The following CTBP2 variants were observed in gnomAD, a reference collection of about 807,000 sequenced individuals.
CTBP2 encodes C-terminal binding protein 2.
In CTBP2, 30 loss-of-function variants were observed where a neutral mutation model predicts 80.3. The ratio of observed to expected loss-of-function variants is 0.37; its 90% CI spans 0.28 to 0.51. The LOEUF is 0.51. CTBP2 is among the 20% of genes least tolerant of loss of function. The pLI is 0.93. For missense variants in CTBP2, 1,212 were observed against 1,375.3 expected (o/e 0.88, Z 1.88); for synonymous variants, 594 against 587.4 (o/e 1.01, Z -0.16).
intron 2 of CTBP2, among the ~76,000 whole-genome samples, chr10:125,060,766 A>G (rs1355710558): frequency 6.6e-6 from 1 of 152,210 alleles, no homozygotes; most frequent in Non-Finnish European, 1.5e-5. Context: ...CAGTCGAGGA[A>G]TAAGAAGCAC....
intron 1 of CTBP2, among the ~76,000 whole-genome samples, chr10:125,132,396 T>A (rs1856328729): frequency 6.6e-6 from 1 of 152,200 alleles, no homozygotes; most frequent in Non-Finnish European, 1.5e-5. Context: ...ATACAGTGTC[T>A]TCAATGAAGT....
intron 2 of CTBP2, among the ~76,000 whole-genome samples, chr10:125,056,219 T>C (rs980256875): frequency 4.6e-5 from 7 of 151,408 alleles, no homozygotes; most frequent in Non-Finnish European, 8.8e-5. Flanking sequence ...TAATAACTAA[T>C]AAACAAAAGC....
chr10:125,156,445 A>C (rs1231054293), intron 1 of CTBP2, among the ~76,000 whole-genome samples: 1 of 152,224 alleles, frequency 6.6e-6, no homozygotes, highest in African/African-American at 2.4e-5. Flanking sequence ...AAAGGGTATA[A>C]CTTTGCTTTC....
At chr10:125,122,282 C>T (rs1854459902) in intron 1 of CTBP2, among the ~76,000 whole-genome samples, 1 of 152,226 alleles carries the variant, frequency 6.6e-6, no homozygotes, top group Non-Finnish European at 1.5e-5. Flanking sequence ...GGTAGCAATT[C>T]ACAAATGCTG....
At chr10:125,099,373 G>A (rs1850251093) in intron 2 of CTBP2, among the ~76,000 whole-genome samples, 1 of 152,190 alleles carries the variant, frequency 6.6e-6, no homozygotes, top group South Asian at 2.1e-4. Flanking sequence ...CGGGGCAACT[G>A]GCTGGACCAT....
chr10:125,053,018 C>A (rs1349901471), intron 2 of CTBP2, among the ~76,000 whole-genome samples: 1 of 152,198 alleles, frequency 6.6e-6, no homozygotes, highest in East Asian at 1.9e-4. Context: ...AGCATGCAGC[C>A]GCTGACCCCA....
chr10:125,078,532 C>A (rs1466745557), intron 2 of CTBP2, among the ~76,000 whole-genome samples: 1 of 150,652 alleles, frequency 6.6e-6, no homozygotes, highest in African/African-American at 2.5e-5. Flanking sequence ...TTTTTTTAAA[C>A]CCAACACACA....
chr10:125,056,190 A>T (rs1463903371), intron 2 of CTBP2, among the ~76,000 whole-genome samples: 2 of 148,600 alleles, frequency 1.3e-5, no homozygotes, highest in East Asian at 3.9e-4. Flanking sequence ...AATAATAATA[A>T]TAATAGTAAT....
Position 125,073,464 on chromosome 10 carries a change from C to T in CTBP2, c.-101-34309G>A, listed in dbSNP as rs57923847. ...TCACCATGTTGGCCAGGCTGGTCAACTCTTGACCTCAAGTGATCCGCCCGC... is the reference window on the plus strand; with the variant it reads ...TCACCATGTTGGCCAGGCTGGTCAATTCTTGACCTCAAGTGATCCGCCCGC... On this transcript the variant is annotated intron_variant, in intron 2 of 10. Transcript: ENST00000337195. Among the ~76,000 whole-genome samples, 462 of 152,334 alleles carry T rather than the reference C, an allele frequency of 3.0e-3. 4 individuals carry two copies. Among genetic ancestry groups the T allele is most frequent in the African/African-American group, 0.01 (431 of 41,570 alleles).
chr10:125,020,207 GC>G (rs1284040070), intron 1 of CTBP2, among the ~76,000 whole-genome samples: 1 of 152,182 alleles, frequency 6.6e-6, no homozygotes, highest in Admixed American at 6.5e-5. Context: ...TTTCAGAGGA[GC>G]AACAATCCCT....
intron 2 of CTBP2, among the ~76,000 whole-genome samples, chr10:125,086,650 T>C (rs1344055034): frequency 1.3e-5 from 2 of 150,810 alleles, no homozygotes; most frequent in Non-Finnish European, 2.9e-5. Flanking sequence ...AGATCTCATT[T>C]GACCCTTCCA....
intron 2 of CTBP2, among the ~76,000 whole-genome samples, chr10:125,062,158 C>A (rs1216548040): frequency 6.6e-6 from 1 of 152,154 alleles, no homozygotes; most frequent in South Asian, 2.1e-4. Flanking sequence ...AAAACGGTGC[C>A]TACAGGGGAA....
At chr10:125,104,781 G>T (rs1353167004) in intron 2 of CTBP2, among the ~76,000 whole-genome samples, 2 of 152,208 alleles carry the variant, frequency 1.3e-5, no homozygotes, top group Admixed American at 6.5e-5. Flanking sequence ...ACAGCATGGG[G>T]CCAGGTGGAA....
At chr10:125,134,617 C>T (rs1353546808) in intron 1 of CTBP2, among the ~76,000 whole-genome samples, 1 of 152,192 alleles carries the variant, frequency 6.6e-6, no homozygotes, top group Non-Finnish European at 1.5e-5. Context: ...ACCAGGCTGG[C>T]AGGCCCCTCC....
At chr10:124,993,113 G>T in intron 7 of CTBP2, 89 bp downstream of exon 9, 1 of 1,485,720 alleles carries the variant, frequency 6.7e-7, no homozygotes, top group East Asian at 2.3e-5. Flanking sequence ...TCTACCTGTC[G>T]AGAGCTGCCT....
chr10:125,019,309 G>C (rs1248066574), intron 1 of CTBP2, among the ~76,000 whole-genome samples: 1 of 152,132 alleles, frequency 6.6e-6, no homozygotes, highest in East Asian at 1.9e-4. Flanking sequence ...TGGATTACAA[G>C]TACTATTTCT....
intron 2 of CTBP2, among the ~76,000 whole-genome samples, chr10:125,056,277 C>T (rs1407708574): frequency 2.0e-5 from 3 of 152,196 alleles, no homozygotes; most frequent in Admixed American, 6.5e-5. Context: ...CTATTCTAAG[C>T]GGCTGTGAGT....
intron 2 of CTBP2, among the ~76,000 whole-genome samples, chr10:125,048,921 CT>C (rs1328869317): frequency 2.6e-5 from 4 of 152,240 alleles, no homozygotes; most frequent in African/African-American, 9.6e-5. Flanking sequence ...AGATATACAA[CT>C]TTTTTTCCTG....
At chr10:125,014,867 G>A (rs963820168) in intron 1 of CTBP2, among the ~76,000 whole-genome samples, 8 of 152,200 alleles carry the variant, frequency 5.3e-5, no homozygotes, top group Admixed American at 3.3e-4. Context: ...CGGCAGGGAC[G>A]CCCTTCTGTC....
Sources: allele counts gnomAD v4.1 joint callset (sites outside exome capture counted in the v4.1 genomes callset), GRCh38; gene constraint gnomAD v4.1.1; transcripts MANE v1.5; gene names NCBI Gene and HGNC (gene_info 2026-07-23, HGNC 2026-07-21).